Variants in EPHA6 observed in about 807,000 individuals in gnomAD.
EPHA6 encodes ephrin type-A receptor 6.
EPHA6 carries 50 observed loss-of-function variants against 112.0 expected under a neutral mutation model. The observed-to-expected ratio is 0.45, with a 90% CI of 0.36 to 0.56. EPHA6 has a LOEUF of 0.56. Ranked by LOEUF, EPHA6 falls within the 20% of genes least tolerant of loss-of-function variation. EPHA6 has a pLI of 0.00. For missense variants in EPHA6, 1,280 were observed against 1,417.4 expected (o/e 0.90, Z 1.56); for synonymous variants, 529 against 490.7 (o/e 1.08, Z -1.03).
intron 3 of EPHA6, among the ~76,000 whole-genome samples, chr3:97,167,620 C>G (rs1197255447): frequency 6.6e-6 from 1 of 151,982 alleles, no homozygotes; most frequent in East Asian, 1.9e-4. Context: ...GCTGATAACT[C>G]TCTGTGCTTT....
In EPHA6 at chr3:97,749,684, G is replaced by C. The variant is rs906959315; in HGVS notation, c.*983G>C. 6.6e-6 allele frequency among the ~76,000 whole-genome samples: 1 copy of C among 152,124 alleles called. No homozygotes were observed. Among genetic ancestry groups the C allele is most frequent in the Non-Finnish European group, 1.5e-5 (1 of 68,032 alleles). ...TAAAATACGTTAGATTATACCCTTAGATTTAATGTAAAATTATTAATTTAA... is the reference window on the plus strand; with the variant it reads ...TAAAATACGTTAGATTATACCCTTACATTTAATGTAAAATTATTAATTTAA... On this transcript the variant is annotated 3_prime_UTR_variant, in exon 18 of 18. Coordinates refer to ENST00000389672, the MANE Select transcript of EPHA6 (RefSeq NM_001080448.3).
At chr3:97,447,099 A>G (rs1326530330) in intron 6 of EPHA6, among the ~76,000 whole-genome samples, 1 of 152,168 alleles carries the variant, frequency 6.6e-6, no homozygotes, top group Non-Finnish European at 1.5e-5. Flanking sequence ...TTAGCTAGAC[A>G]CAGAATAACC....
intron 10 of EPHA6, among the ~76,000 whole-genome samples, chr3:97,493,282 C>T (rs1267776964): frequency 1.3e-5 from 2 of 151,184 alleles, no homozygotes; most frequent in Non-Finnish European, 2.9e-5. Flanking sequence ...GTGTATTAGT[C>T]AGCTTCACTG....
intron 2 of EPHA6, among the ~76,000 whole-genome samples, chr3:96,876,215 C>T (rs2036939524): frequency 6.6e-6 from 1 of 151,080 alleles, no homozygotes; most frequent in Non-Finnish European, 1.5e-5. Flanking sequence ...AGTGATCCTC[C>T]ATGAGCCACC....
intron 11 of EPHA6, 89 bp from the exon 12 acceptor site, chr3:97,592,521 CTT>C: frequency 6.8e-7 from 1 of 1,463,566 alleles, no homozygotes; most frequent in Non-Finnish European, 9.4e-7. Flanking sequence ...AATTTGATGT[CTT>C]TGTTGATTTT....
chr3:97,271,198 T>C (rs1174481589), intron 5 of EPHA6, among the ~76,000 whole-genome samples: 2 of 152,252 alleles, frequency 1.3e-5, no homozygotes, highest in Non-Finnish European at 2.9e-5. Context: ...CAAACTTACT[T>C]ATAATTAGCC....
intron 2 of EPHA6, among the ~76,000 whole-genome samples, chr3:96,939,530 T>C (rs1375757763): frequency 6.6e-6 from 1 of 152,204 alleles, no homozygotes; most frequent in African/African-American, 2.4e-5. Flanking sequence ...AGTCTATCAA[T>C]TTTGTTGATC....
At chr3:97,600,075 G>A (rs1273589244) in intron 12 of EPHA6, among the ~76,000 whole-genome samples, 2 of 149,224 alleles carry the variant, frequency 1.3e-5, no homozygotes, top group African/African-American at 2.4e-5. Context: ...TTTGTCTGTT[G>A]TTGGTGTATA....
rs61260971 is a variant in EPHA6 at position 97,007,431 on chromosome 3, C to CTT, written c.1114+19448_1114+19449dup. 7.8e-3 allele frequency among the ~76,000 whole-genome samples: 1,135 copies of CTT among 146,304 alleles called. 10 individuals carry two copies. The highest frequency in any genetic ancestry group is 0.014 in the Middle Eastern group (4 of 284). On this transcript the variant is annotated intron_variant, in intron 3 of 17. Transcript: ENST00000389672. The stretch of plus-strand genomic sequence containing the variant: ...TCAGAGATTAGGATTGCGGTCCCTG[C>CTT]TTTTTTTTTTTCTTTCCATTTGCTT...
At chr3:97,249,613 A>G (rs2079076127) in intron 5 of EPHA6, among the ~76,000 whole-genome samples, 1 of 152,170 alleles carries the variant, frequency 6.6e-6, no homozygotes, top group Non-Finnish European at 1.5e-5. Flanking sequence ...ACAGTTGTGT[A>G]AAACACTACG....
intron 2 of EPHA6, among the ~76,000 whole-genome samples, chr3:96,958,449 G>A (rs2107742905): frequency 6.6e-6 from 1 of 152,180 alleles, no homozygotes; most frequent in East Asian, 1.9e-4. Context: ...GAGAGCTAAA[G>A]GTTATATTGC....
intron 3 of EPHA6, among the ~76,000 whole-genome samples, chr3:97,100,799 CTG>C (rs1467564347): frequency 4.6e-5 from 7 of 151,866 alleles, no homozygotes; most frequent in Non-Finnish European, 8.8e-5. Flanking sequence ...GCTAAAATGT[CTG>C]TATATTTTTG....
At chr3:96,937,782 G>T (rs1468253192) in intron 2 of EPHA6, among the ~76,000 whole-genome samples, 5 of 152,072 alleles carry the variant, frequency 3.3e-5, no homozygotes, top group Admixed American at 2.0e-4. Flanking sequence ...ATTAATTTTT[G>T]TATAAGGTGT....
chr3:97,360,979 A>G (rs1015891299), intron 5 of EPHA6, among the ~76,000 whole-genome samples: 1 of 152,156 alleles, frequency 6.6e-6, no homozygotes, highest in African/African-American at 2.4e-5. Context: ...GACATTACTC[A>G]GCTCAATTCC....
chr3:97,461,517 T>G (rs1322546782), intron 7 of EPHA6, among the ~76,000 whole-genome samples: 1 of 152,172 alleles, frequency 6.6e-6, no homozygotes, highest in Non-Finnish European at 1.5e-5. Context: ...TGGTTAGAGC[T>G]CAATAAATGA....
chr3:97,170,073 A>T (rs1373990739), intron 3 of EPHA6, among the ~76,000 whole-genome samples: 2 of 151,750 alleles, frequency 1.3e-5, no homozygotes, highest in African/African-American at 4.8e-5. Flanking sequence ...TGGCACATGT[A>T]TGCCTATGTA....
chr3:96,880,331 CA>C (rs2037237182), intron 2 of EPHA6, among the ~76,000 whole-genome samples: 1 of 151,658 alleles, frequency 6.6e-6, no homozygotes, highest in Non-Finnish European at 1.5e-5. Flanking sequence ...TAAAGTATCA[CA>C]AATCTAAGAA....
intron 3 of EPHA6, among the ~76,000 whole-genome samples, chr3:97,218,248 A>G (rs2078088739): frequency 1.3e-5 from 2 of 151,944 alleles, no homozygotes; most frequent in Non-Finnish European, 2.9e-5. Context: ...TCTAGCCTGG[A>G]TGAAAGAGTG....
At chr3:97,398,740 C>T (rs1182177764) in intron 5 of EPHA6, among the ~76,000 whole-genome samples, 1 of 151,470 alleles carries the variant, frequency 6.6e-6, no homozygotes, top group East Asian at 1.9e-4. Flanking sequence ...AATGAATTTA[C>T]TAAATACATA....
Sources: allele counts gnomAD v4.1 joint callset (sites outside exome capture counted in the v4.1 genomes callset), GRCh38; gene constraint gnomAD v4.1.1; transcripts MANE v1.5; gene names NCBI Gene and HGNC (gene_info 2026-07-23, HGNC 2026-07-21).